Variants in KCNJ6 observed in about 807,000 individuals in gnomAD.
KCNJ6 encodes G protein-activated inward rectifier potassium channel 2.
A neutral mutation model predicts 34.2 loss-of-function variants in KCNJ6; 9 were observed. That is an observed-to-expected ratio of 0.26 (90% CI 0.16 to 0.46). KCNJ6 has a LOEUF of 0.46. Ranked by LOEUF, KCNJ6 falls within the 20% of genes least tolerant of loss-of-function variation. The probability of loss-of-function intolerance (pLI) is 1.00; values close to 1 mark genes in which losing one functional copy is unlikely to be tolerated. For missense variants in KCNJ6, 236 were observed against 531.3 expected, an observed-to-expected ratio of 0.44 and a Z score of 5.46; for synonymous variants, 196 against 207.1, an observed-to-expected ratio of 0.95 and a Z score of 0.46.
intron 3 of KCNJ6, among the ~76,000 whole-genome samples, chr21:37,701,966 C>T (rs772358599): frequency 6.6e-6 from 1 of 152,168 alleles, no homozygotes; most frequent in Non-Finnish European, 1.5e-5. Flanking sequence ...GGCACGGTGG[C>T]TCATGCCTGT....
At chr21:37,699,873 G>A (rs1425064554) in intron 3 of KCNJ6, among the ~76,000 whole-genome samples, 1 of 152,140 alleles carries the variant, frequency 6.6e-6, no homozygotes, top group East Asian at 1.9e-4. Flanking sequence ...TTAGTAAAAT[G>A]TGTCTTTAAT....
intron 2 of KCNJ6, among the ~76,000 whole-genome samples, chr21:37,770,495 T>C (rs1420332539): frequency 6.6e-6 from 1 of 152,196 alleles, no homozygotes; most frequent in Non-Finnish European, 1.5e-5. Context: ...TACTACATAA[T>C]TGATGTAATG....
chr21:37,876,391 A>G (rs2055678284), intron 1 of KCNJ6, among the ~76,000 whole-genome samples: 1 of 152,196 alleles, frequency 6.6e-6, no homozygotes, highest in Non-Finnish European at 1.5e-5. Flanking sequence ...ATCCCTAGAG[A>G]AGCCGTCCTC....
At chr21:37,853,835 C>CATATATATGTGTGTATAT (rs1399366665) in intron 1 of KCNJ6, among the ~76,000 whole-genome samples, 149 of 43,226 alleles carry the variant, frequency 3.4e-3, no homozygotes, top group Admixed American at 7.7e-3. Context: ...TTAAGAGATA[C>CATATATATGTGTGTATAT]ATATATATAT....
chr21:37,761,265 T>TTGTGTGTGCA (rs376266186), intron 2 of KCNJ6, among the ~76,000 whole-genome samples: 1,649 of 151,280 alleles, frequency 0.011, 19 homozygotes, highest in African/African-American at 0.038. Context: ...TATATGTGTG[T>TTGTGTGTGCA]TGTGTGTGGT....
At chr21:37,879,987 T>C (rs549213667) in intron 1 of KCNJ6, among the ~76,000 whole-genome samples, 1 of 151,892 alleles carries the variant, frequency 6.6e-6, no homozygotes, top group East Asian at 1.9e-4. Flanking sequence ...TGGCTGGGCA[T>C]GGTGGCTCAC....
chr21:37,700,505 G>A (rs1442776839), intron 3 of KCNJ6, among the ~76,000 whole-genome samples: 1 of 152,158 alleles, frequency 6.6e-6, no homozygotes, highest in Non-Finnish European at 1.5e-5. Flanking sequence ...CTGAACCGGG[G>A]AGTTGAGGGG....
In KCNJ6 at chr21:37,608,357, TG is replaced by T. The variant is rs558729392; in HGVS notation, c.*16801del. ...TTTTAAAATAGAGATGGGGTCTTGC[TG>T]TGTTGCACAGGCTAATCTTGAATTC... On this transcript the variant is annotated 3_prime_UTR_variant, in exon 4 of 4. Coordinates refer to ENST00000609713, the MANE Select transcript of KCNJ6 (RefSeq NM_002240.5). 2 of 152,370 alleles carry T rather than the reference TG, an allele frequency of 1.3e-5. No individual in the cohort carries two copies. The highest frequency in any genetic ancestry group is 3.9e-4 in the East Asian group (2 of 5,182). The allele number at this position is 152,370 out of a possible 1,614,324, so 9.4% of individuals were successfully genotyped here.
intron 1 of KCNJ6, among the ~76,000 whole-genome samples, chr21:37,854,778 A>G (rs1368845049): frequency 6.6e-6 from 1 of 152,242 alleles, no homozygotes; most frequent in Admixed American, 6.5e-5. Flanking sequence ...ACCATTAAGT[A>G]CCAATACAAT....
At chr21:37,861,309 C>G (rs912279868) in intron 1 of KCNJ6, among the ~76,000 whole-genome samples, 4 of 152,156 alleles carry the variant, frequency 2.6e-5, no homozygotes, top group Non-Finnish European at 4.4e-5. Context: ...CCTTGGAGGC[C>G]TCTGTCCTTG....
chr21:37,634,013 CAA>C (rs2054345644), intron 3 of KCNJ6, among the ~76,000 whole-genome samples: 1 of 152,110 alleles, frequency 6.6e-6, no homozygotes, highest in African/African-American at 2.4e-5. Context: ...TGGAGAAGAA[CAA>C]ACTGTAGGGA....
intron 1 of KCNJ6, among the ~76,000 whole-genome samples, chr21:37,886,612 G>T (rs2123629679): frequency 6.6e-6 from 1 of 152,304 alleles, no homozygotes; most frequent in African/African-American, 2.4e-5. Context: ...CTACTTTTAA[G>T]TATAACCTAC....
At chr21:37,732,278 CTGGTCACCCCTGCTCAGAA>C (rs2054889378) in intron 2 of KCNJ6, among the ~76,000 whole-genome samples, 1 of 152,206 alleles carries the variant, frequency 6.6e-6, no homozygotes, top group Admixed American at 6.5e-5. Flanking sequence ...GCTGGCCAGA[CTGGTCACCCCTGCTCAGAA>C]TGTGACAGTT....
intron 2 of KCNJ6, among the ~76,000 whole-genome samples, chr21:37,718,263 C>T (rs1457549282): frequency 1.3e-5 from 2 of 152,212 alleles, no homozygotes; most frequent in Non-Finnish European, 2.9e-5. Flanking sequence ...GGGTGGAGAG[C>T]TGCTATCTAT....
intron 1 of KCNJ6, among the ~76,000 whole-genome samples, chr21:37,898,776 C>G (rs8134255): frequency 6.6e-6 from 1 of 152,094 alleles, no homozygotes; most frequent in Non-Finnish European, 1.5e-5. Flanking sequence ...TATCAAAGCA[C>G]TGGATACAGA....
At chr21:37,719,396 G>A (rs1469323343) in intron 2 of KCNJ6, 1 of 152,220 alleles carries the variant, frequency 6.6e-6, no homozygotes, top group African/African-American at 2.4e-5. Context: ...AGCATTTTGA[G>A]CTGCTCCGTA....
intron 3 of KCNJ6, among the ~76,000 whole-genome samples, chr21:37,703,303 CAG>C: frequency 6.6e-6 from 1 of 151,822 alleles, no homozygotes. Context: ...TCCACAGCAA[CAG>C]GGGGGAAGAA....
At chr21:37,801,674 G>A (rs1330688909) in intron 2 of KCNJ6, among the ~76,000 whole-genome samples, 1 of 152,128 alleles carries the variant, frequency 6.6e-6, no homozygotes, top group East Asian at 1.9e-4. Flanking sequence ...GCTGGAGGCT[G>A]AGCCTATGTG....
intron 2 of KCNJ6, among the ~76,000 whole-genome samples, chr21:37,837,070 C>G (rs191130872): frequency 6.6e-6 from 1 of 152,070 alleles, no homozygotes; most frequent in African/African-American, 2.4e-5. Flanking sequence ...AATTCTGTCT[C>G]GGTCCTCCTC....
Sources: gnomAD v4.1 joint callset for allele counts (sites outside exome capture counted in the v4.1 genomes callset) on GRCh38, gnomAD v4.1.1 for gene constraint, MANE v1.5 for transcripts, NCBI Gene and HGNC (gene_info 2026-07-23, HGNC 2026-07-21) for gene names.